The following SLCO2A1 variants were observed in gnomAD, a reference collection of about 807,000 sequenced individuals.
SLCO2A1 encodes matrin F/G 1.
In SLCO2A1, 60 loss-of-function variants were observed where a neutral mutation model predicts 71.7. The observed-to-expected ratio is 0.84, with a 90% CI of 0.68 to 1.04. The LOEUF (loss-of-function observed/expected upper bound fraction) is 1.04, where lower values mean the gene tolerates loss of function less well. Ranked by LOEUF, SLCO2A1 falls within the 50% of genes least tolerant of loss-of-function variation. The probability of loss-of-function intolerance (pLI) is 0.00; values close to 1 mark genes in which losing one functional copy is unlikely to be tolerated. For synonymous variants in SLCO2A1, 308 were observed against 326.7 expected, an observed-to-expected ratio of 0.94 and a Z score of 0.62; for missense variants, 745 against 813.4, an observed-to-expected ratio of 0.92 and a Z score of 1.02.
rs529767902 is a variant in SLCO2A1, at chr3:134,010,546, C to G, written c.96+19161G>C. 7.9e-5 allele frequency among the ~76,000 whole-genome samples: 12 copies of G among 152,012 alleles called. No individual in the cohort carries two copies. The East Asian group carries it at 1.2e-3, about 15-fold the overall frequency. The stretch of plus-strand genomic sequence containing the variant: ...AGGTGGGCGGATCACAAGGTCAGGA[C>G]TTCAAGACCAGCCTGACCAACATGG... On this transcript the variant is annotated intron_variant, in intron 1 of 13. Coordinates refer to ENST00000310926, the MANE Select transcript of SLCO2A1 (RefSeq NM_005630.3).
chr3:134,019,251 CTT>C (rs1429603387), intron 1 of SLCO2A1, among the ~76,000 whole-genome samples: 3 of 152,144 alleles, frequency 2.0e-5, no homozygotes, highest in African/African-American at 7.2e-5. Context: ...TTCACAATGC[CTT>C]GTTTTCCTCA....
intron 4 of SLCO2A1, among the ~76,000 whole-genome samples, chr3:133,954,748 C>T (rs1353315600): frequency 1.3e-5 from 2 of 152,182 alleles, no homozygotes; most frequent in Non-Finnish European, 2.9e-5. Context: ...GGTGAGAAAC[C>T]TGGGGCCCTG....
intron 4 of SLCO2A1, 105 bp downstream of exon 4, chr3:133,954,861 T>G: frequency 1.1e-6 from 1 of 872,320 alleles, no homozygotes; most frequent in South Asian, 1.7e-5. Flanking sequence ...TTTGCTGGGT[T>G]GTAAGCAAAG....
chr3:133,996,746 C>G (rs191151674), intron 1 of SLCO2A1, among the ~76,000 whole-genome samples: 2 of 152,150 alleles, frequency 1.3e-5, no homozygotes, highest in Non-Finnish European at 2.9e-5. Flanking sequence ...AAAACTGCGT[C>G]CCATATACAG....
At chr3:133,957,485 G>A (rs1040418737) in intron 3 of SLCO2A1, among the ~76,000 whole-genome samples, 8 of 152,176 alleles carry the variant, frequency 5.3e-5, no homozygotes, top group Middle Eastern at 3.2e-3. Flanking sequence ...GCTGGGATCC[G>A]AACCTGCATG....
At chr3:133,969,039 G>A (rs1250673901) in intron 3 of SLCO2A1, among the ~76,000 whole-genome samples, 1 of 152,042 alleles carries the variant, frequency 6.6e-6, no homozygotes, top group Non-Finnish European at 1.5e-5. Flanking sequence ...GTTCGTTTCT[G>A]GAGCAGCTTT....
chr3:133,959,396 C>CAAAA (rs1211709807), intron 3 of SLCO2A1, among the ~76,000 whole-genome samples: 2 of 124,726 alleles, frequency 1.6e-5, no homozygotes, highest in African/African-American at 1.1e-4. Context: ...ATGGCTATTA[C>CAAAA]CAAAAAAAAA....
intron 3 of SLCO2A1, among the ~76,000 whole-genome samples, chr3:133,961,467 A>G (rs538266607): frequency 4.6e-5 from 7 of 152,244 alleles, no homozygotes; most frequent in Non-Finnish European, 8.8e-5. Flanking sequence ...TAGCAAAATC[A>G]TTTTTTGCAA....
intron 11 of SLCO2A1, among the ~76,000 whole-genome samples, chr3:133,939,000 C>T (rs1390347978): frequency 6.6e-6 from 1 of 152,020 alleles, no homozygotes; most frequent in Non-Finnish European, 1.5e-5. Context: ...TAATTAGGGC[C>T]CTTGGGCTGC....
chr3:133,991,966 C>T (rs1442896013), intron 1 of SLCO2A1, among the ~76,000 whole-genome samples: 1 of 152,212 alleles, frequency 6.6e-6, no homozygotes, highest in Non-Finnish European at 1.5e-5. Context: ...CAGGAAACCA[C>T]AACAGGCACA....
At position 133,963,128 on chromosome 3, in the gene SLCO2A1, G is replaced by A. The variant is rs545414421; in HGVS notation, c.398-7935C>T. 7.2e-5 allele frequency among the ~76,000 whole-genome samples: 11 copies of A among 152,164 alleles called. No individual in the cohort carries two copies. In the South Asian group the frequency reaches 1.9e-3, roughly 26 times the overall value. ...TCCCCCAGCCCCACCCCACCAGCATGTGAGTCAACCCTCTGACTCACTCCA... is the reference window on the plus strand; with the variant it reads ...TCCCCCAGCCCCACCCCACCAGCATATGAGTCAACCCTCTGACTCACTCCA... On this transcript the variant is annotated intron_variant, in intron 3 of 13. Transcript: ENST00000310926.
At position 133,942,633 on chromosome 3, in the gene SLCO2A1, G is replaced by C; in HGVS notation, c.1597C>G (p.His533Asp). ...AGAACCATCATGTAGAGGGGGTTGT[G>C]GGAGATGCAGGCTATCAGGGACACG... is the stretch of plus-strand genomic sequence containing the variant. ...SFVSLIACIS[H>D]NPLYMMVLRV... Residue 533 changes from histidine to aspartate, a missense_variant, in exon 11 of 14, where the codon CAC becomes GAC. Transcript: ENST00000310926. 1.2e-6 allele frequency: 2 copies of C among 1,613,658 alleles called. No individual in the cohort carries two copies. Among genetic ancestry groups the C allele is most frequent in the Non-Finnish European group, 1.7e-6 (2 of 1,179,838 alleles).
intron 1 of SLCO2A1, among the ~76,000 whole-genome samples, chr3:134,023,129 CAA>C (rs1370229949): frequency 1.3e-5 from 2 of 150,532 alleles, no homozygotes; most frequent in Non-Finnish European, 2.9e-5. Context: ...GCAAAACAAA[CAA>C]ACAAACAAAC....
chr3:133,977,772 T>G (rs191238957), intron 2 of SLCO2A1, among the ~76,000 whole-genome samples: 57 of 152,190 alleles, frequency 3.7e-4, no homozygotes, highest in African/African-American at 1.3e-3. Context: ...CCAGGGGAAT[T>G]ACCAAAGTCA....
At chr3:133,964,380 C>T (rs373464988) in intron 3 of SLCO2A1, among the ~76,000 whole-genome samples, 1 of 152,132 alleles carries the variant, frequency 6.6e-6, no homozygotes, top group African/African-American at 2.4e-5. Context: ...AGTGATTATA[C>T]GATGAGATCG....
chr3:134,026,064 C>G (rs531192488), intron 1 of SLCO2A1, among the ~76,000 whole-genome samples: 2 of 152,256 alleles, frequency 1.3e-5, no homozygotes, highest in South Asian at 4.1e-4. Flanking sequence ...CCTACAGACC[C>G]AGTTCCTGAT....
chr3:134,023,541 C>T (rs1036592060), intron 1 of SLCO2A1, among the ~76,000 whole-genome samples: 3 of 152,152 alleles, frequency 2.0e-5, no homozygotes, highest in Non-Finnish European at 2.9e-5. Flanking sequence ...TCTTGCCCCC[C>T]GATGTAGAGC....
rs117558422 is a variant in SLCO2A1 at position 133,977,653 on chromosome 3, G to A, written c.234+1828C>T. 2.8e-4 allele frequency among the ~76,000 whole-genome samples: 42 copies of A among 152,288 alleles called. No homozygotes were observed. The East Asian group carries it at 7.7e-3, about 28-fold the overall frequency. ...TGCATGAACTCAGCAGGAAAGGGAT[G>A]GGGTGGGTAATTAGGGATGCCTGCC... On this transcript the variant is annotated intron_variant, in intron 2 of 13. Transcript: ENST00000310926.
intron 1 of SLCO2A1, among the ~76,000 whole-genome samples, chr3:133,992,895 G>A (rs1576450585): frequency 1.3e-5 from 2 of 151,934 alleles, no homozygotes; most frequent in Admixed American, 1.3e-4. Flanking sequence ...ACTCTTGGAC[G>A]CCAGACAAGA....
Sources: allele counts gnomAD v4.1 joint callset (sites outside exome capture counted in the v4.1 genomes callset), GRCh38; gene constraint gnomAD v4.1.1; transcripts MANE v1.5; gene names NCBI Gene and HGNC (gene_info 2026-07-23, HGNC 2026-07-21).